ASB4: variants seen among roughly 807,000 people sequenced by gnomAD.
The protein encoded by ASB4 is ankyrin repeat and SOCS box containing 4, also known as ankyrin repeat and SOCS box protein 4.
A neutral mutation model predicts 38.6 loss-of-function variants in ASB4; 35 were observed. That is an observed-to-expected ratio of 0.91 (90% CI 0.69 to 1.20). ASB4 has a LOEUF of 1.20. Ranked by LOEUF, ASB4 falls within the 50% of genes most tolerant of loss-of-function variation. The pLI, the probability that ASB4 is intolerant of heterozygous loss-of-function variation, is 0.00. For missense variants in ASB4, 557 were observed against 527.2 expected (o/e 1.06, Z -0.55); for synonymous variants, 195 against 201.3 (o/e 0.97, Z 0.26).
chr7:95,520,887 T>A (rs1373409175), intron 2 of ASB4, among the ~76,000 whole-genome samples: 2 of 152,292 alleles, frequency 1.3e-5, no homozygotes, highest in Non-Finnish European at 2.9e-5. Flanking sequence ...GTGGGGTAAG[T>A]ACCCCTTATT....
chr7:95,491,112 T>A lies in ASB4; in HGVS notation c.188-4646T>A, dbSNP rs114441292. 5.6e-3 allele frequency among the ~76,000 whole-genome samples: 850 copies of A among 152,356 alleles called. 10 individuals are homozygous for A. Among genetic ancestry groups the A allele is most frequent in the African/African-American group, 0.019 (789 of 41,582 alleles). On this transcript the variant is annotated intron_variant, in intron 1 of 4. Transcript: ENST00000325885. The stretch of plus-strand genomic sequence containing the variant: ...TGACAAGACCCTCTCTAAGTTCAGA[T>A]TCTGGCATGCAGATAATTAATCACA...
downstream of ASB4, among the ~76,000 whole-genome samples, chr7:95,544,744 G>T (rs1415999756): frequency 6.6e-6 from 1 of 151,664 alleles, no homozygotes; most frequent in East Asian, 1.9e-4. Context: ...GCTTAGGCTG[G>T]AGTGCAGTGG....
chr7:95,484,784 G>T (rs1790061746), upstream of ASB4, among the ~76,000 whole-genome samples: 1 of 151,760 alleles, frequency 6.6e-6, no homozygotes, highest in Admixed American at 6.6e-5. Flanking sequence ...ATGATTTTAT[G>T]TAAGAAAAAT....
chr7:95,474,345 T>C (rs983662521), upstream of ASB4, among the ~76,000 whole-genome samples: 1 of 152,224 alleles, frequency 6.6e-6, no homozygotes, highest in Non-Finnish European at 1.5e-5. Flanking sequence ...TAATAACTTG[T>C]GTGCTTTGAT....
chr7:95,493,525 A>T (rs1024940552), intron 1 of ASB4, among the ~76,000 whole-genome samples: 1 of 151,788 alleles, frequency 6.6e-6, no homozygotes, highest in Non-Finnish European at 1.5e-5. Flanking sequence ...AAATTAAATT[A>T]TTTTTTCCCC....
chr7:95,510,360 G>A (rs190940664), intron 2 of ASB4, among the ~76,000 whole-genome samples: 2 of 152,038 alleles, frequency 1.3e-5, no homozygotes, highest in Non-Finnish European at 2.9e-5. Flanking sequence ...CTCCAACAAG[G>A]GTGTAGATAA....
downstream of ASB4, chr7:95,544,459 C>T (rs879935488): frequency 6.6e-6 from 1 of 152,132 alleles, no homozygotes; most frequent in Non-Finnish European, 1.5e-5. Context: ...AATTCTATGA[C>T]AAAAATACAA....
At chr7:95,548,734 C>T in the ASB4 span, among the ~76,000 whole-genome samples, 1 of 152,082 alleles carries the variant, frequency 6.6e-6, no homozygotes, top group South Asian at 2.1e-4. Context: ...TTTTTGTTAC[C>T]AGTAGCTTGA....
At chr7:95,498,351 C>G (rs1258186900) in intron 2 of ASB4, among the ~76,000 whole-genome samples, 1 of 152,140 alleles carries the variant, frequency 6.6e-6, no homozygotes, top group Non-Finnish European at 1.5e-5. Flanking sequence ...TCTAAATGTC[C>G]CTCTACTGGG....
intron 1 of ASB4, among the ~76,000 whole-genome samples, chr7:95,489,692 T>C (rs1790142668): frequency 6.6e-6 from 1 of 152,056 alleles, no homozygotes; most frequent in Non-Finnish European, 1.5e-5. Flanking sequence ...CACTTTAAAA[T>C]AAAAACGATA....
chr7:95,540,303 A>G (rs1790953484), downstream of ASB4: 1 of 152,214 alleles, frequency 6.6e-6, no homozygotes, highest in Non-Finnish European at 1.5e-5. Context: ...ATGACACTGA[A>G]GAACTCTACA....
chr7:95,511,954 T>C (rs1790488212), intron 2 of ASB4, among the ~76,000 whole-genome samples: 2 of 152,114 alleles, frequency 1.3e-5, no homozygotes, highest in Admixed American at 6.5e-5. Context: ...CTTGGGTGAC[T>C]TTGCTGTTTT....
intron 2 of ASB4, among the ~76,000 whole-genome samples, chr7:95,523,159 T>A (rs1203851531): frequency 6.6e-6 from 1 of 152,172 alleles, no homozygotes; most frequent in African/African-American, 2.4e-5. Context: ...AACATTTTTT[T>A]AACATTTATA....
the ASB4 span, among the ~76,000 whole-genome samples, chr7:95,547,311 C>G: frequency 6.6e-6 from 1 of 152,100 alleles, no homozygotes; most frequent in East Asian, 1.9e-4. Flanking sequence ...TTCCTATCTC[C>G]CACAGGCAAC....
Position 95,536,553 on chromosome 7 carries a change from AAAT to A in ASB4, c.1092+7_1092+9del. On this transcript the variant is annotated splice_donor_5th_base_variant and intron_variant, in intron 4 of 4. Coordinates refer to ENST00000325885, the MANE Select transcript of ASB4 (RefSeq NM_016116.3). ...CTATCCCCGATGATGACTTGGAGGT[AAAT>A]AATCGATTCCCTTCTAATAGTTTTC... 1.1e-5 allele frequency: 17 copies of A among 1,583,300 alleles called. No individual in the cohort carries two copies. Among genetic ancestry groups the A allele is most frequent in the Non-Finnish European group, 1.5e-5 (17 of 1,152,880 alleles).
At chr7:95,519,853 A>G (rs1177864771) in intron 2 of ASB4, among the ~76,000 whole-genome samples, 1 of 151,458 alleles carries the variant, frequency 6.6e-6, no homozygotes, top group South Asian at 2.1e-4. Context: ...TTTTTTTTTC[A>G]TTGACTTTAA....
chr7:95,510,137 T>A (rs1444147250), intron 2 of ASB4, among the ~76,000 whole-genome samples: 3 of 151,160 alleles, frequency 2.0e-5, no homozygotes, highest in African/African-American at 4.9e-5. Flanking sequence ...AAAAAAAAAA[T>A]GAGAAGGCAG....
At chr7:95,532,024 A>G (rs553754506) in intron 3 of ASB4, among the ~76,000 whole-genome samples, 2 of 152,326 alleles carry the variant, frequency 1.3e-5, no homozygotes, top group African/African-American at 4.8e-5. Flanking sequence ...TTGCTACTCA[A>G]CAGACTGTGT....
chr7:95,476,403 A>C (rs559637515), upstream of ASB4, among the ~76,000 whole-genome samples: 3 of 152,230 alleles, frequency 2.0e-5, no homozygotes, highest in Non-Finnish European at 4.4e-5. Context: ...TATTTAAAAA[A>C]AAATTTATAG....
Sources: gnomAD v4.1 joint callset for allele counts (sites outside exome capture counted in the v4.1 genomes callset) on GRCh38, gnomAD v4.1.1 for gene constraint, MANE v1.5 for transcripts, NCBI Gene and HGNC (gene_info 2026-07-23, HGNC 2026-07-21) for gene names.